Variants in ECT2 observed in about 807,000 individuals in gnomAD.
The protein encoded by ECT2 is epithelial cell transforming 2, also known as protein ECT2.
ECT2 carries 61 observed loss-of-function variants against 116.9 expected under a neutral mutation model. The observed-to-expected ratio is 0.52, with a 90% CI of 0.42 to 0.65. The LOEUF is 0.65. Ranked by LOEUF, ECT2 falls within the 30% of genes least tolerant of loss-of-function variation. ECT2 has a pLI of 0.00. For missense variants in ECT2, 937 were observed against 1,078.7 expected, an observed-to-expected ratio of 0.87 and a Z score of 1.84; for synonymous variants, 358 against 346.4, an observed-to-expected ratio of 1.03 and a Z score of -0.37.
chr3:172,793,448 C>A (rs900684771), intron 18 of ECT2, among the ~76,000 whole-genome samples: 2 of 149,578 alleles, frequency 1.3e-5, no homozygotes, highest in African/African-American at 4.9e-5. Flanking sequence ...CCCCCGCGCC[C>A]AGCCTATTTT....
intron 13 of ECT2, among the ~76,000 whole-genome samples, chr3:172,771,880 A>G (rs1182432433): frequency 6.6e-6 from 1 of 152,210 alleles, no homozygotes; most frequent in Non-Finnish European, 1.5e-5. Context: ...CGTAATGACT[A>G]ATGATGTTGA....
intron 20 of ECT2, among the ~76,000 whole-genome samples, chr3:172,804,414 G>C (rs1005999634): frequency 2.0e-5 from 3 of 152,108 alleles, no homozygotes; most frequent in African/African-American, 7.2e-5. Flanking sequence ...GTCTCCTGAA[G>C]TGAGAAAGTC....
At chr3:172,752,157 C>CTACCTCTTGT (rs1715994723) in intron 1 of ECT2, 1 of 148,472 alleles carries the variant, frequency 6.7e-6, no homozygotes, top group South Asian at 2.2e-4. Context: ...TAGACGGAGT[C>CTACCTCTTGT]TACCTCTTGT....
At position 172,783,821 on chromosome 3, in the gene ECT2, A is replaced by G. The variant is rs1411047305; in HGVS notation, c.1640A>G (p.Tyr547Cys). 2 of 1,603,712 alleles carry G rather than the reference A, an allele frequency of 1.2e-6. No homozygotes were observed. Among genetic ancestry groups the G allele is most frequent in the Non-Finnish European group, 8.5e-7 (1 of 1,175,112 alleles). ...TAGTCAAAAGATTTGGTAAAAACCT[A>G]CCCTCCCTTTGTAAACTTCTTTGAA... is the stretch of plus-strand genomic sequence containing the variant. ...LKYSKDLVKT[Y>C]PPFVNFFEMS... Residue 547 changes from tyrosine to cysteine, a missense_variant, in exon 16 of 25, where the codon TAC becomes TGC. Transcript: ENST00000392692.
Position 172,762,399 on chromosome 3 carries a change from G to C in ECT2, c.759-17G>C. 6.3e-7 allele frequency: 1 copy of C among 1,586,002 alleles called. No individual in the cohort carries two copies. Among genetic ancestry groups the C allele is most frequent in the South Asian group, 1.2e-5 (1 of 86,396 alleles). ...TTTAAGTTAAACTGGTTTTGGAAGAGTGTATTTTGTTTTTAGGGATTTCTA... is the reference window on the plus strand; with the variant it reads ...TTTAAGTTAAACTGGTTTTGGAAGACTGTATTTTGTTTTTAGGGATTTCTA... On this transcript the variant is annotated splice_polypyrimidine_tract_variant and intron_variant, in intron 8 of 24. Transcript: ENST00000392692.
chr3:172,791,769 T>C (rs1724716667), intron 18 of ECT2, among the ~76,000 whole-genome samples: 1 of 152,220 alleles, frequency 6.6e-6, no homozygotes, highest in Admixed American at 6.5e-5. Context: ...GTTTTACTTA[T>C]TATTCATGTC....
chr3:172,764,821 T>C (rs1360609664), intron 12 of ECT2, among the ~76,000 whole-genome samples: 1 of 152,170 alleles, frequency 6.6e-6, no homozygotes, highest in Non-Finnish European at 1.5e-5. Flanking sequence ...ATAGTGCTGT[T>C]CAAAAAGCAA....
chr3:172,755,219 G>A (rs1716714873), intron 2 of ECT2, 76 bp from the exon 3 acceptor site: 6 of 1,140,242 alleles, frequency 5.3e-6, no homozygotes, highest in Non-Finnish European at 1.2e-6. Context: ...ACTAGATATA[G>A]CCAAAAGAGC....
intron 12 of ECT2, among the ~76,000 whole-genome samples, chr3:172,766,914 A>G (rs532954509): frequency 6.6e-6 from 1 of 152,302 alleles, no homozygotes; most frequent in South Asian, 2.1e-4. Context: ...GAACAAAATG[A>G]ACCACCGAAG....
chr3:172,769,798 G>C (rs912481572), intron 13 of ECT2, among the ~76,000 whole-genome samples: 7 of 152,100 alleles, frequency 4.6e-5, no homozygotes, highest in African/African-American at 1.7e-4. Context: ...CATTATGTTG[G>C]TATCTGTAGA....
chr3:172,789,541 A>AT (rs1159647937), intron 18 of ECT2, among the ~76,000 whole-genome samples: 2 of 152,142 alleles, frequency 1.3e-5, no homozygotes, highest in African/African-American at 4.8e-5. Context: ...GAAGTTGGCC[A>AT]TATCAGTTGA....
At chr3:172,756,788 A>G (rs1007887150) in intron 4 of ECT2, among the ~76,000 whole-genome samples, 195 bp from the exon 5 acceptor site, 1 of 152,130 alleles carries the variant, frequency 6.6e-6, no homozygotes, top group East Asian at 1.9e-4. Context: ...ATGTATATGT[A>G]AAAATGTAAG....
rs1723630968 is a variant in ECT2 at position 172,786,508 on chromosome 3, C to T, written c.1841C>T (p.Thr614Ile). The T allele has an allele frequency of 6.2e-7, 1 of 1,608,952 alleles. No individual in the cohort carries two copies. The highest frequency in any genetic ancestry group is 8.5e-7 in the Non-Finnish European group (1 of 1,176,390). ...ATTATTACAGATCTTAAGAAGCATA[C>T]AGCTGATGAAAATCCAGACAAAAGC... Reference protein sequence around the residue: ...ALLLNDLKKHTADENPDKSTL... With the variant: ...ALLLNDLKKHIADENPDKSTL... Residue 614 changes from threonine to isoleucine, a missense_variant, in exon 18 of 25, where the codon ACA (threonine) becomes ATA (isoleucine). Transcript: ENST00000392692.
At chr3:172,754,303 TTATTA>T (rs1367833007) in intron 1 of ECT2, among the ~76,000 whole-genome samples, 2 of 152,178 alleles carry the variant, frequency 1.3e-5, no homozygotes, top group Non-Finnish European at 2.9e-5. Context: ...ATTGTTATTT[TTATTA>T]TATTCCTGTG....
intron 14 of ECT2, among the ~76,000 whole-genome samples, chr3:172,775,076 C>T (rs564985771): frequency 2.0e-5 from 3 of 152,280 alleles, no homozygotes; most frequent in Admixed American, 6.5e-5. Flanking sequence ...GGTGAAGGGC[C>T]TGTGAATTCC....
At position 172,805,875 on chromosome 3, in the gene ECT2, C is replaced by T. The variant is rs1380397224; in HGVS notation, c.2245+6C>T. 6.2e-7 allele frequency: 1 copy of T among 1,611,202 alleles called. No individual in the cohort carries two copies. Among genetic ancestry groups the T allele is most frequent in the Non-Finnish European group, 8.5e-7 (1 of 1,178,598 alleles). ...GGACATAAGAGAGACAGAAGGTATG[C>T]CGGTCGGATACATTCTTGGTTATAT... On this transcript the variant is annotated splice_donor_region_variant and intron_variant, in intron 21 of 24. Coordinates refer to ENST00000392692, the MANE Select transcript of ECT2 (RefSeq NM_001258315.2).
At chr3:172,755,404 G>A (rs80037248) in intron 3 of ECT2, 30 bp downstream of exon 3, 4 of 1,570,188 alleles carry the variant, frequency 2.5e-6, no homozygotes, top group Non-Finnish European at 3.4e-6. Flanking sequence ...AGTTTTTTTT[G>A]TAATGCAATT....
chr3:172,783,885 A>G lies in ECT2; in HGVS notation c.1704A>G (p.Lys568=). 1 of 1,599,700 alleles carries G rather than the reference A, an allele frequency of 6.3e-7. No homozygotes were observed. Among genetic ancestry groups the G allele is most frequent in the Non-Finnish European group, 8.5e-7 (1 of 1,172,380 alleles). The part of the protein sequence containing the change: ...KETIIKCEKQ[K]PRFHAFLKIN... ...CAATTATTAAATGTGAAAAACAGAA[A>G]CCAAGATTTCATGCTTTTCTCAAGG... is the stretch of plus-strand genomic sequence containing the variant. The change falls in exon 16 of 25, where the codon AAA becomes AAG. Residue 568 remains lysine (K), a synonymous_variant. Transcript: ENST00000392692.
chr3:172,754,088 A>G (rs1037327269), intron 1 of ECT2, among the ~76,000 whole-genome samples: 4 of 151,998 alleles, frequency 2.6e-5, no homozygotes, highest in African/African-American at 9.7e-5. Flanking sequence ...TTGGGGAGGG[A>G]AATGTGGGAG....
Sources: allele counts gnomAD v4.1 joint callset (sites outside exome capture counted in the v4.1 genomes callset), GRCh38; gene constraint gnomAD v4.1.1; transcripts MANE v1.5; gene names NCBI Gene and HGNC (gene_info 2026-07-23, HGNC 2026-07-21).